Variants in FRY observed in about 807,000 individuals in gnomAD.
The protein encoded by FRY is protein furry homolog.
FRY carries 128 observed loss-of-function variants against 348.4 expected under a neutral mutation model. That is an observed-to-expected ratio of 0.37 (90% CI 0.32 to 0.43). The LOEUF (loss-of-function observed/expected upper bound fraction) is 0.43, where lower values mean the gene tolerates loss of function less well. Among genes scored for constraint, FRY ranks in the 20% least tolerant of loss-of-function variants. The pLI, the probability that FRY is intolerant of heterozygous loss-of-function variation, is 1.00. For synonymous variants in FRY, 1,370 were observed against 1,374.7 expected (o/e 1.00, Z 0.08); for missense variants, 2,736 against 3,695.2 (o/e 0.74, Z 6.73).
intron 31 of FRY, among the ~76,000 whole-genome samples, chr13:32,206,542 G>A (rs539720301): frequency 6.6e-6 from 1 of 152,318 alleles, no homozygotes; most frequent in African/African-American, 2.4e-5. Context: ...TGCAGAGTCA[G>A]AGGAGGAGTT....
At chr13:32,267,436 G>C in intron 55 of FRY, 77 bp downstream of exon 55, 2 of 1,236,810 alleles carry the variant, frequency 1.6e-6, no homozygotes, top group South Asian at 1.2e-5. Flanking sequence ...AGGAGAGGTT[G>C]TTCTTCTGTT....
At position 32,164,923 on chromosome 13, in the gene FRY, T is replaced by C. The variant is rs75956711; in HGVS notation, c.1892+3672T>C. ...TTGTCACTTCCTGCAGTGCTTTGCATGCACCAAGGGCTTGCTGTTGAGTAT... is the reference window on the plus strand; with the variant it reads ...TTGTCACTTCCTGCAGTGCTTTGCACGCACCAAGGGCTTGCTGTTGAGTAT... On this transcript the variant is annotated intron_variant, in intron 17 of 60. Transcript: ENST00000542859. Among the ~76,000 whole-genome samples, 1,188 of 152,324 alleles carry C rather than the reference T, an allele frequency of 7.8e-3. 3 individuals are homozygous for C. Among genetic ancestry groups the C allele is most frequent in the Admixed American group, 0.015 (235 of 15,302 alleles).
At chr13:32,057,402 C>G (rs555657085) in intron 1 of FRY, among the ~76,000 whole-genome samples, 1 of 152,140 alleles carries the variant, frequency 6.6e-6, no homozygotes, top group Admixed American at 6.5e-5. Context: ...AAACTCCTGA[C>G]CTCAGGTGAT....
At chr13:32,289,027 G>A (rs1261376777) in intron 58 of FRY, among the ~76,000 whole-genome samples, 1 of 152,200 alleles carries the variant, frequency 6.6e-6, no homozygotes, top group Non-Finnish European at 1.5e-5. Context: ...GGGCCATCGT[G>A]TATGATTACT....
intron 11 of FRY, among the ~76,000 whole-genome samples, chr13:32,145,766 G>A (rs1313070712): frequency 6.6e-5 from 10 of 150,990 alleles, no homozygotes; most frequent in Non-Finnish European, 1.0e-4. Context: ...GGATGGTCTC[G>A]ATCTCCTGAC....
chr13:32,288,994 C>T (rs564273493), intron 58 of FRY, among the ~76,000 whole-genome samples: 5 of 152,294 alleles, frequency 3.3e-5, no homozygotes, highest in South Asian at 2.1e-4. Flanking sequence ...ATTTTAAATT[C>T]GAGAGGTATT....
intron 53 of FRY, among the ~76,000 whole-genome samples, chr13:32,262,700 G>A (rs1887722723): frequency 6.6e-6 from 1 of 152,184 alleles, no homozygotes. Flanking sequence ...TGAAAGACTT[G>A]ATTTGAGGTC....
At chr13:32,285,942 T>G (rs992627165) in intron 58 of FRY, among the ~76,000 whole-genome samples, 4 of 151,620 alleles carry the variant, frequency 2.6e-5, no homozygotes. Context: ...AGCTGTGTAG[T>G]CTCCACATCA....
chr13:32,116,797 G>T (rs186012795), intron 3 of FRY, among the ~76,000 whole-genome samples: 13 of 152,138 alleles, frequency 8.5e-5, no homozygotes, highest in Admixed American at 7.2e-4. Flanking sequence ...GTAACAGGGG[G>T]TAAATTATTG....
chr13:32,286,671 C>T (rs572807289), intron 58 of FRY, among the ~76,000 whole-genome samples: 3 of 139,158 alleles, frequency 2.2e-5, no homozygotes, highest in Non-Finnish European at 3.0e-5. Context: ...GGTGTGAACC[C>T]GGGAGGTGGA....
intron 2 of FRY, among the ~76,000 whole-genome samples, chr13:32,087,136 T>A (rs1171755457): frequency 6.6e-6 from 1 of 152,222 alleles, no homozygotes; most frequent in Admixed American, 6.5e-5. Flanking sequence ...GGGTACACAG[T>A]CTGAAGAATC....
At chr13:32,045,538 T>G (rs1479980984) in intron 1 of FRY, among the ~76,000 whole-genome samples, 1 of 152,212 alleles carries the variant, frequency 6.6e-6, no homozygotes, top group Non-Finnish European at 1.5e-5. Context: ...ATGCTTTTGG[T>G]GTCAATGGTT....
intron 4 of FRY, among the ~76,000 whole-genome samples, 173 bp from the exon 5 acceptor site, chr13:32,124,113 C>T (rs1878874496): frequency 6.6e-6 from 1 of 152,200 alleles, no homozygotes; most frequent in Non-Finnish European, 1.5e-5. Flanking sequence ...GCTGGGATTA[C>T]AGGCATGAGC....
chr13:32,109,739 G>C (rs437321), intron 3 of FRY, among the ~76,000 whole-genome samples: 95,366 of 151,972 alleles, frequency 0.63, 29,961 homozygotes, highest in South Asian at 0.68. Context: ...ACAAGAGAAG[G>C]CTGTAAATCC....
At chr13:32,170,218 A>G (rs1593692262) in intron 17 of FRY, among the ~76,000 whole-genome samples, 1 of 152,214 alleles carries the variant, frequency 6.6e-6, no homozygotes, top group East Asian at 1.9e-4. Flanking sequence ...CCTCATCCTT[A>G]AGAATAGGAT....
At chr13:32,070,865 A>T (rs913120093) in intron 1 of FRY, among the ~76,000 whole-genome samples, 11 of 152,136 alleles carry the variant, frequency 7.2e-5, no homozygotes, top group Non-Finnish European at 8.8e-5. Flanking sequence ...TAAGTCTTTA[A>T]TCCGTCTGGA....
chr13:32,294,017 T>C (rs1230190658), intron 59 of FRY, among the ~76,000 whole-genome samples: 2 of 152,230 alleles, frequency 1.3e-5, no homozygotes, highest in Non-Finnish European at 2.9e-5. Flanking sequence ...TACAGTACAC[T>C]GCAGAGCCGG....
chr13:32,049,780 G>C (rs1452941186), intron 1 of FRY, among the ~76,000 whole-genome samples: 1 of 152,174 alleles, frequency 6.6e-6, no homozygotes, highest in Admixed American at 6.5e-5. Context: ...CCAGTTGTCT[G>C]GGGTAGAATT....
At chr13:32,096,419 C>T (rs1009478989) in intron 2 of FRY, among the ~76,000 whole-genome samples, 3 of 150,456 alleles carry the variant, frequency 2.0e-5, no homozygotes, top group Non-Finnish European at 4.4e-5. Context: ...TAACAGGTGA[C>T]TCTGCTAGGG....
Sources: allele counts gnomAD v4.1 joint callset (sites outside exome capture counted in the v4.1 genomes callset), GRCh38; gene constraint gnomAD v4.1.1; transcripts MANE v1.5; gene names NCBI Gene and HGNC (gene_info 2026-07-23, HGNC 2026-07-21).